RBM33: variants seen among roughly 807,000 people sequenced by gnomAD.
RBM33 encodes RNA-binding protein 33.
Under a neutral mutation model 132.6 loss-of-function variants are expected in RBM33, and 28 were observed. The observed-to-expected ratio is 0.21, with a 90% CI of 0.16 to 0.29. The LOEUF (loss-of-function observed/expected upper bound fraction) is 0.29. Ranked by LOEUF, RBM33 falls within the 10% of genes least tolerant of loss-of-function variation. RBM33 has a pLI of 1.00. For missense variants in RBM33, 1,291 were observed against 1,518.5 expected (o/e 0.85, Z 2.49); for synonymous variants, 634 against 593.0 (o/e 1.07, Z -1.01).
At chr7:155,668,623 A>G (rs554712806) in intron 2 of RBM33, among the ~76,000 whole-genome samples, 13 of 152,222 alleles carry the variant, frequency 8.5e-5, no homozygotes, top group South Asian at 4.1e-4. Context: ...ACACTAATAT[A>G]CTACCTAATA....
rs1426575678 is a variant in RBM33, at chr7:155,741,876, C to T, written c.2107C>T (p.Pro703Ser). The T allele has an allele frequency of 1.2e-6, 2 of 1,613,912 alleles. No individual in the cohort carries two copies. The highest frequency in any genetic ancestry group is 1.3e-5 in the African/African-American group (1 of 74,926). The change falls in exon 13 of 18, where the codon CCA becomes TCA. Residue 703 changes from proline to serine, a missense_variant. Pro to Ser is a moderately conservative substitution (Grantham distance 74, BLOSUM62 -1). Around this residue, in one of 7 missense-constraint regions of RBM33, gnomAD observed 841 missense variants for 912.0 expected, o/e 0.92. Transcript: ENST00000401878. ...CATGCAGCAAATGCAGCCCACTGCG[C>T]CAAGGAACAGCAATTTGCGTGAATT... ...RPMQQMQPTAPRNSNLRELPI... is the reference protein window; with the variant it reads ...RPMQQMQPTASRNSNLRELPI...
chr7:155,742,124 T>G lies in RBM33; in HGVS notation c.2337+18T>G. Reference sequence around the variant, plus strand: ...AAACAGAGGTAGGACACTGCTCTTATTAACAAATGTTGGTCTCAAACAAGA... The same window carrying G: ...AAACAGAGGTAGGACACTGCTCTTAGTAACAAATGTTGGTCTCAAACAAGA... On this transcript the variant is annotated intron_variant, in intron 13 of 17. Transcript: ENST00000401878. 1 of 1,587,440 alleles carries G rather than the reference T, an allele frequency of 6.3e-7. No homozygotes were observed. The highest frequency in any genetic ancestry group is 1.1e-5 in the South Asian group (1 of 89,312).
intron 9 of RBM33, among the ~76,000 whole-genome samples, chr7:155,733,584 G>T (rs1471120949): frequency 8.3e-6 from 1 of 121,056 alleles, no homozygotes; most frequent in Admixed American, 8.3e-5. Context: ...GACTCTGCCA[G>T]TGGACCAGGG....
At chr7:155,718,322 T>A in intron 8 of RBM33, 63 bp from the exon 9 acceptor site, 2 of 1,269,208 alleles carry the variant, frequency 1.6e-6, no homozygotes, top group Non-Finnish European at 2.3e-6. Context: ...CTTCATATGT[T>A]GTCTTACAGG....
chr7:155,735,691 GTCTCTC>G (rs10556581), intron 9 of RBM33, among the ~76,000 whole-genome samples: 331 of 145,150 alleles, frequency 2.3e-3, no homozygotes, highest in Admixed American at 3.1e-3. Flanking sequence ...GCAAGACCCT[GTCTCTC>G]TCTCTCTCTC....
intron 16 of RBM33, among the ~76,000 whole-genome samples, chr7:155,769,852 A>G (rs1170347665): frequency 3.3e-5 from 5 of 152,256 alleles, no homozygotes; most frequent in African/African-American, 4.8e-5. Flanking sequence ...CTTAAAGAAC[A>G]GATGTGTGTG....
intron 16 of RBM33, among the ~76,000 whole-genome samples, chr7:155,771,032 ATC>A (rs1468544965): frequency 6.6e-6 from 1 of 152,172 alleles, no homozygotes; most frequent in Non-Finnish European, 1.5e-5. Context: ...TGAAAAGCCA[ATC>A]AGGGTGAGAG....
intron 16 of RBM33, among the ~76,000 whole-genome samples, chr7:155,772,953 G>C (rs1802479347): frequency 6.6e-6 from 1 of 152,206 alleles, no homozygotes. Context: ...ACATTCTATA[G>C]TTATTAAAAT....
chr7:155,671,841 A>G (rs1345085214), intron 2 of RBM33, among the ~76,000 whole-genome samples: 1 of 152,184 alleles, frequency 6.6e-6, no homozygotes, highest in Non-Finnish European at 1.5e-5. Flanking sequence ...AGAATTAAAA[A>G]CATGATCTAG....
intron 1 of RBM33, among the ~76,000 whole-genome samples, chr7:155,664,843 AT>A (rs1405002063): frequency 7.2e-5 from 11 of 151,806 alleles, no homozygotes; most frequent in South Asian, 6.2e-4. Flanking sequence ...AGCATGTCAC[AT>A]TTTTTTTCTT....
intron 8 of RBM33, among the ~76,000 whole-genome samples, chr7:155,712,802 C>T (rs551545506): frequency 4.6e-5 from 7 of 152,306 alleles, no homozygotes; most frequent in South Asian, 4.1e-4. Flanking sequence ...ACCGTGGGGC[C>T]GTGGGGCCAT....
At chr7:155,729,089 C>CAAGGAGG (rs1554480451) in intron 9 of RBM33, among the ~76,000 whole-genome samples, 4 of 152,156 alleles carry the variant, frequency 2.6e-5, no homozygotes, top group Admixed American at 6.5e-5. Context: ...ACAATCATGA[C>CAAGGAGG]AGGAGGCAAA....
chr7:155,725,559 C>T (rs1800770807), intron 9 of RBM33, among the ~76,000 whole-genome samples: 1 of 152,074 alleles, frequency 6.6e-6, no homozygotes, highest in Admixed American at 6.5e-5. Context: ...TTGTGACCCT[C>T]ATTAAGTACT....
chr7:155,749,844 C>T (rs1338906742), intron 14 of RBM33, among the ~76,000 whole-genome samples: 1 of 152,208 alleles, frequency 6.6e-6, no homozygotes, highest in African/African-American at 2.4e-5. Context: ...ATAGCCATCA[C>T]TTGCTATGTG....
chr7:155,673,601 T>C lies in RBM33; in HGVS notation c.171+686T>C, dbSNP rs7792277. On this transcript the variant is annotated intron_variant, in intron 3 of 17. Transcript: ENST00000401878. ...ACACGTGTATATATATATACACACA[T>C]ATACATACACACGTGTATATATATA... is the stretch of plus-strand genomic sequence containing the variant. Among the ~76,000 whole-genome samples the C allele has an allele frequency of 1.3e-3, 141 of 108,308 alleles. 9 individuals carry two copies. Among genetic ancestry groups the C allele is most frequent in the Non-Finnish European group, 2.1e-3 (114 of 53,132 alleles). The allele number at this position is 108,308 out of a possible 152,430, so 71.1% of individuals were successfully genotyped here.
rs1454267591 is a variant in RBM33 at position 155,679,640 on chromosome 7, C to A, written c.249-950C>A. On this transcript the variant is annotated intron_variant, in intron 4 of 17. Coordinates refer to ENST00000401878, the MANE Select transcript of RBM33 (RefSeq NM_053043.3). ...CATGGATTTGTAACAGATTTTCTAA[C>A]ATAAAGTAATTTTTACAGGTAAAAA... Among the ~76,000 whole-genome samples the A allele has an allele frequency of 2.6e-5, 4 of 152,186 alleles. No individual in the cohort carries two copies. In the East Asian group the frequency reaches 7.7e-4, roughly 29 times the overall value.
In RBM33 at chr7:155,675,319, T is replaced by C. The variant is rs188490164; in HGVS notation, c.171+2404T>C. Among the ~76,000 whole-genome samples, 523 of 149,052 alleles carry C rather than the reference T, an allele frequency of 3.5e-3. 1 individual carries two copies. The highest frequency in any genetic ancestry group is 0.01 in the African/African-American group (422 of 40,240). On this transcript the variant is annotated intron_variant, in intron 3 of 17. Coordinates refer to ENST00000401878, the MANE Select transcript of RBM33 (RefSeq NM_053043.3). ...AAAAAAAAAAAAAAAAAAAAAAGAA[T>C]TATAGATATAAAACGTTACTTTTTT...
In RBM33 at chr7:155,738,283, G is replaced by A. The variant is rs1233077586; in HGVS notation, c.1617G>A (p.Gly539=). The A allele has an allele frequency of 6.2e-7, 1 of 1,613,838 alleles. No individual in the cohort carries two copies. Among genetic ancestry groups the A allele is most frequent in the African/African-American group, 1.3e-5 (1 of 74,900 alleles). The part of the protein sequence containing the change: ...RPALQPPGPV[G]ILHFSQPGSA... ...CCTTGCAGCCTCCAGGTCCGGTGGG[G>A]ATTCTGCACTTTAGCCAGCCTGGGT... Residue 539 remains glycine, a synonymous_variant, in exon 11 of 18, where the codon GGG becomes GGA. Transcript: ENST00000401878.
At chr7:155,689,008 C>A (rs1037012604) in intron 5 of RBM33, among the ~76,000 whole-genome samples, 1 of 152,140 alleles carries the variant, frequency 6.6e-6, no homozygotes, top group African/African-American at 2.4e-5. Context: ...GGGAGGATTC[C>A]CTCTTTTTCT....
Sources: gnomAD v4.1 joint callset for allele counts (sites outside exome capture counted in the v4.1 genomes callset) on GRCh38, gnomAD v4.1.1 for gene constraint, gnomAD v4.1.1 regional missense constraint, MANE v1.5 for transcripts, NCBI Gene and HGNC (gene_info 2026-07-23, HGNC 2026-07-21) for gene names.